Variants in P2RX7 observed in about 807,000 individuals in gnomAD.
The protein encoded by P2RX7 is purinergic receptor P2X 7, also known as P2X purinoceptor 7.
P2RX7 carries 62 observed loss-of-function variants against 71.6 expected under a neutral mutation model. The observed-to-expected ratio is 0.87, with a 90% CI of 0.71 to 1.07. The LOEUF (loss-of-function observed/expected upper bound fraction) is 1.07. Ranked by LOEUF, P2RX7 falls within the 50% of genes least tolerant of loss-of-function variation. P2RX7 has a pLI of 0.00. For synonymous variants in P2RX7, 299 were observed against 283.3 expected (o/e 1.06, Z -0.56); for missense variants, 686 against 748.5 (o/e 0.92, Z 0.97).
chr12:121,162,584 G>A, intron 5 of P2RX7, 64 bp downstream of exon 5: 4 of 1,577,518 alleles, frequency 2.5e-6, no homozygotes, highest in Non-Finnish European at 3.4e-6. Flanking sequence ...CCTTGCCGAG[G>A]CTGCTTGGGC....
chr12:121,173,099 T>C (rs1882493930), intron 8 of P2RX7, among the ~76,000 whole-genome samples: 1 of 152,314 alleles, frequency 6.6e-6, no homozygotes, highest in Non-Finnish European at 1.5e-5. Context: ...GTGACTGTGA[T>C]GATTTGTGCC....
At chr12:121,163,979 G>A (rs955794008) in intron 5 of P2RX7, among the ~76,000 whole-genome samples, 4 of 152,010 alleles carry the variant, frequency 2.6e-5, no homozygotes, top group African/African-American at 4.8e-5. Context: ...ATTCTCAATC[G>A]CTAATAGCTC....
chr12:121,163,216 C>T (rs1463915503), intron 5 of P2RX7, among the ~76,000 whole-genome samples: 2 of 152,104 alleles, frequency 1.3e-5, no homozygotes, highest in Admixed American at 6.5e-5. Flanking sequence ...TCAGTGTCCT[C>T]ACCTGTAAAA....
At chr12:121,147,954 C>T (rs1336884057) in intron 1 of P2RX7, among the ~76,000 whole-genome samples, 2 of 151,924 alleles carry the variant, frequency 1.3e-5, no homozygotes, top group African/African-American at 4.8e-5. Flanking sequence ...CACTAAGATA[C>T]TCTTTAGCCA....
chr12:121,155,136 T>C, intron 2 of P2RX7, 183 bp downstream of exon 2: 1 of 1,490,650 alleles, frequency 6.7e-7, no homozygotes, highest in East Asian at 2.5e-5. Flanking sequence ...CAGGAGATGA[T>C]TCTTTGCTTT....
chr12:121,144,955 G>T (rs1179111327), intron 1 of P2RX7, among the ~76,000 whole-genome samples: 1 of 152,128 alleles, frequency 6.6e-6, no homozygotes, highest in Non-Finnish European at 1.5e-5. Flanking sequence ...ATGAGGTCAG[G>T]ACTAAAGGCA....
intron 3 of P2RX7, among the ~76,000 whole-genome samples, chr12:121,156,882 G>A (rs905688984): frequency 3.4e-4 from 51 of 152,136 alleles, no homozygotes; most frequent in African/African-American, 1.2e-3. Flanking sequence ...GGCTAGGCAT[G>A]GTGGCTCACA....
chr12:121,135,630 CTTA>C (rs1873373934), intron 1 of P2RX7, among the ~76,000 whole-genome samples: 1 of 151,762 alleles, frequency 6.6e-6, no homozygotes, highest in African/African-American at 2.4e-5. Context: ...AGTGTTAGTT[CTTA>C]TTATTAATAA....
At chr12:121,169,354 T>A (rs1881720509) in intron 8 of P2RX7, among the ~76,000 whole-genome samples, 1 of 152,184 alleles carries the variant, frequency 6.6e-6, no homozygotes, top group Non-Finnish European at 1.5e-5. Flanking sequence ...ACCTTAAGGA[T>A]CCTACTCCTT....
chr12:121,172,219 C>T (rs987275481), intron 8 of P2RX7, among the ~76,000 whole-genome samples: 2 of 152,190 alleles, frequency 1.3e-5, no homozygotes, highest in Non-Finnish European at 2.9e-5. Context: ...ACTCTGGAAG[C>T]AGAAATTCAC....
At chr12:121,136,343 G>A (rs1165643254) in intron 1 of P2RX7, among the ~76,000 whole-genome samples, 1 of 151,680 alleles carries the variant, frequency 6.6e-6, no homozygotes. Context: ...TTAGAGACAG[G>A]GTCTCATTGT....
At position 121,149,005 on chromosome 12, in the gene P2RX7, G is replaced by A. The variant is rs1466537620; in HGVS notation, c.126-5780G>A. On this transcript the variant is annotated intron_variant, in intron 1 of 12. Coordinates refer to ENST00000328963, the MANE Select transcript of P2RX7 (RefSeq NM_002562.6). This position sits in a 1 kb window ranked among gnomAD's most constrained non-coding sequence, Gnocchi z 4.7. Reference sequence around the variant, plus strand: ...ATGTTACCTTTGCGCTGGAAGCCCAGGGGCTGTAAGACGGAGAGGAACTTT... The same window carrying A: ...ATGTTACCTTTGCGCTGGAAGCCCAAGGGCTGTAAGACGGAGAGGAACTTT... The A allele has an allele frequency of 2.7e-5, 14 of 526,208 alleles. No homozygotes were observed. Among genetic ancestry groups the A allele is most frequent in the Admixed American group, 2.2e-4 (10 of 45,554 alleles). 32.6% of individuals were successfully genotyped at this position (526,208 alleles called of 1,614,324 possible).
intron 7 of P2RX7, among the ~76,000 whole-genome samples, chr12:121,167,084 G>A (rs943284075): frequency 6.6e-6 from 1 of 151,330 alleles, no homozygotes; most frequent in Admixed American, 6.6e-5. Context: ...TCATGTATTC[G>A]CATCTGCAAA....
rs1878529440 is a variant in P2RX7, at chr12:121,156,148, G to A, written c.363+1G>A. On this transcript the variant is annotated splice_donor_variant, in intron 3 of 12. Transcript: ENST00000328963. LOFTEE classifies it high-confidence loss of function. ...CCAAGAGCAGCGGTTGTGTCCCGAGGTAAGGAGGGGACCTGGAGTGGTGGG... is the reference window on the plus strand; with the variant it reads ...CCAAGAGCAGCGGTTGTGTCCCGAGATAAGGAGGGGACCTGGAGTGGTGGG... 4 of 1,613,632 alleles carry A rather than the reference G, an allele frequency of 2.5e-6. No homozygotes were observed. The highest frequency in any genetic ancestry group is 3.4e-6 in the Non-Finnish European group (4 of 1,179,510).
chr12:121,138,641 G>A (rs78430762), intron 1 of P2RX7, among the ~76,000 whole-genome samples: 4,328 of 152,310 alleles, frequency 0.028, 197 homozygotes, highest in African/African-American at 0.096. Context: ...GACAAAAATC[G>A]GTGATCTATT....
chr12:121,137,360 G>A (rs181302823), intron 1 of P2RX7, among the ~76,000 whole-genome samples: 34 of 152,280 alleles, frequency 2.2e-4, no homozygotes, highest in Non-Finnish European at 4.0e-4. Context: ...TTCTAGATCT[G>A]GAGGCAAAAT....
Position 121,167,643 on chromosome 12 carries a change from T to A in P2RX7, c.881+19T>A. ...ACTTCAGGTAACTCCAAGGCCCAGG[T>A]CAAACTCACCCAGTGGCTGAATCGC... On this transcript the variant is annotated intron_variant, in intron 8 of 12. Coordinates refer to ENST00000328963, the MANE Select transcript of P2RX7 (RefSeq NM_002562.6). 1 of 1,519,100 alleles carries A rather than the reference T, an allele frequency of 6.6e-7. No individual in the cohort carries two copies. Among genetic ancestry groups the A allele is most frequent in the Non-Finnish European group, 8.8e-7 (1 of 1,130,572 alleles). 94.1% of individuals were successfully genotyped at this position (1,519,100 alleles called of 1,614,324 possible). A position where few individuals can be genotyped will look rare whatever the true frequency, so the allele number is the denominator to read the frequency against.
intron 3 of P2RX7, among the ~76,000 whole-genome samples, chr12:121,157,804 A>C (rs1324070283): frequency 6.6e-5 from 10 of 152,234 alleles, no homozygotes; most frequent in Non-Finnish European, 1.3e-4. Flanking sequence ...GTGCATCTGT[A>C]AAATGGGGCT....
chr12:121,143,578 G>T (rs936670465), intron 1 of P2RX7, among the ~76,000 whole-genome samples: 1 of 151,378 alleles, frequency 6.6e-6, no homozygotes, highest in Non-Finnish European at 1.5e-5. Flanking sequence ...GGCCAGGCGC[G>T]GTGGCTCACG....
Sources: allele counts gnomAD v4.1 joint callset (sites outside exome capture counted in the v4.1 genomes callset), GRCh38; gene constraint gnomAD v4.1.1; non-coding constraint Gnocchi (gnomAD v3.1); transcripts MANE v1.5; gene names NCBI Gene and HGNC (gene_info 2026-07-23, HGNC 2026-07-21).